Variants in IGHMBP2 observed in about 807,000 individuals in gnomAD.
IGHMBP2 encodes the protein DNA-binding protein SMUBP-2.
A neutral mutation model predicts 96.0 loss-of-function variants in IGHMBP2; 81 were observed. The ratio of observed to expected loss-of-function variants is 0.84; its 90% CI spans 0.71 to 1.01. The LOEUF (loss-of-function observed/expected upper bound fraction) is 1.01. IGHMBP2 is among the 50% of genes least tolerant of loss of function. IGHMBP2 has a pLI of 0.00. For missense variants in IGHMBP2, 1,227 were observed against 1,306.3 expected, an observed-to-expected ratio of 0.94 and a Z score of 0.94; for synonymous variants, 557 against 548.9, an observed-to-expected ratio of 1.01 and a Z score of -0.21.
chr11:68,913,787 A>T (rs1224370241), intron 5 of IGHMBP2, among the ~76,000 whole-genome samples: 1 of 152,084 alleles, frequency 6.6e-6, no homozygotes, highest in African/African-American at 2.4e-5. Flanking sequence ...GGGCATGGTG[A>T]TGCATGCCTG....
At chr11:68,916,090 C>T (rs1594429417) in intron 6 of IGHMBP2, among the ~76,000 whole-genome samples, 1 of 140,066 alleles carries the variant, frequency 7.1e-6, no homozygotes, top group African/African-American at 2.5e-5. Context: ...AGGAGAATCT[C>T]TTGAACCTGG....
In IGHMBP2 at chr11:68,929,212, C is replaced by T; in HGVS notation, c.1090C>T (p.Leu364=). 4 of 1,613,530 alleles carry T rather than the reference C, an allele frequency of 2.5e-6. No individual in the cohort carries two copies. The highest frequency in any genetic ancestry group is 3.4e-6 in the Non-Finnish European group (4 of 1,180,024). The part of the protein sequence containing the change: ...GASADGPLKL[L]PESYFDVVVI... ...GTCTGCCGATGGCCCCCTGAAGTTG[C>T]TGCCCGAGAGCTACTTCGACGTGGT... The change falls in exon 8 of 15, where the codon CTG becomes TTG. Residue 364 remains leucine (L), a synonymous_variant. Transcript: ENST00000255078.
At chr11:68,920,092 A>G (rs1464614695) in intron 7 of IGHMBP2, among the ~76,000 whole-genome samples, 1 of 152,176 alleles carries the variant, frequency 6.6e-6, no homozygotes, top group East Asian at 1.9e-4. Context: ...GGCAGTCACC[A>G]TTCTCCTGTC....
intron 7 of IGHMBP2, 112 bp downstream of exon 7, chr11:68,917,995 G>A: frequency 8.2e-7 from 1 of 1,220,898 alleles, no homozygotes; most frequent in Non-Finnish European, 1.2e-6. Flanking sequence ...TTTCTTAAAA[G>A]TTGGGTAGGG....
chr11:68,936,593 GAA>G lies in IGHMBP2; in HGVS notation c.2114_2115del (p.Glu705GlyfsTer124). The G allele has an allele frequency of 6.2e-7, 1 of 1,612,842 alleles. No homozygotes were observed. The highest frequency in any genetic ancestry group is 8.5e-7 in the Non-Finnish European group (1 of 1,179,366). On this transcript the variant is annotated frameshift_variant, in exon 13 of 15. Coordinates refer to ENST00000255078, the MANE Select transcript of IGHMBP2 (RefSeq NM_002180.3). LOFTEE classifies it high-confidence loss of function. ...GCCGGCTGGGAAGTCTCTGGCCTCTGAAGCTCCATCTCAGCCCAGCCTCAACG... is the reference window on the plus strand; with the variant it reads ...GCCGGCTGGGAAGTCTCTGGCCTCTGGCTCCATCTCAGCCCAGCCTCAACG... ...KKPAGKSLAS[E>X]APSQPSLNGG... is the part of the protein sequence containing the mutation.
chr11:68,904,810 T>C (rs1484642196), intron 1 of IGHMBP2, among the ~76,000 whole-genome samples: 2 of 145,606 alleles, frequency 1.4e-5, no homozygotes, highest in African/African-American at 2.5e-5. Flanking sequence ...TTTCTTTTTT[T>C]TTTTTTTAGA....
chr11:68,912,129 A>G (rs1301595999), intron 5 of IGHMBP2, among the ~76,000 whole-genome samples: 1 of 152,108 alleles, frequency 6.6e-6, no homozygotes, highest in Non-Finnish European at 1.5e-5. Context: ...AATTTTTTTT[A>G]TTTTTATTTT....
At chr11:68,937,140 T>C in intron 13 of IGHMBP2, 49 bp downstream of exon 13, 1 of 1,592,618 alleles carries the variant, frequency 6.3e-7, no homozygotes, top group Non-Finnish European at 8.5e-7. Flanking sequence ...ACTGGGGTGC[T>C]GGCCCCACTT....
rs1346354853 is a variant in IGHMBP2, at chr11:68,934,471, C to A, written c.1545C>A (p.Val515=). Residue 515 remains valine, a synonymous_variant, in exon 11 of 15, where the codon GTC becomes GTA. Coordinates refer to ENST00000255078, the MANE Select transcript of IGHMBP2 (RefSeq NM_002180.3). ...DEQSKGNPGE[V]RLVSLHIQAL... is the part of the protein sequence containing the mutation. ...TTCTTTCTTTCCCTCCAGGCGAAGT[C>A]CGCCTCGTCAGTTTGCACATCCAGG... 1 of 1,608,146 alleles carries A rather than the reference C, an allele frequency of 6.2e-7. No homozygotes were observed. The highest frequency in any genetic ancestry group is 1.3e-5 in the African/African-American group (1 of 74,896).
At chr11:68,937,805 C>A in intron 13 of IGHMBP2, 1 of 264,728 alleles carries the variant, frequency 3.8e-6, no homozygotes, top group Non-Finnish European at 7.4e-6. Context: ...TTGAAAGGGG[C>A]CTCCCAGAGC....
intron 2 of IGHMBP2, among the ~76,000 whole-genome samples, chr11:68,907,806 C>G (rs1858260213): frequency 6.6e-6 from 1 of 151,994 alleles, no homozygotes; most frequent in South Asian, 2.1e-4. Flanking sequence ...ACTGCAGCCT[C>G]AGCCTCCCGA....
chr11:68,938,870 G>T (rs1203752105), intron 14 of IGHMBP2, among the ~76,000 whole-genome samples: 1 of 152,184 alleles, frequency 6.6e-6, no homozygotes. Context: ...ACAGTACCAG[G>T]TGTTGAGTGC....
rs755120725 is a variant in IGHMBP2, at chr11:68,933,462, G to C, written c.1399G>C (p.Val467Leu). Residue 467 changes from valine (V) to leucine (L), a missense_variant, in exon 9 of 15, where the codon GTG (valine) becomes CTG (leucine). This residue lies in a region of IGHMBP2 where 703 missense variants were observed against 770.3 expected (regional missense o/e 0.91). Transcript: ENST00000255078. ...YLGQLTAHSS[V>L]ARHLLRDLPG... ...TGGGCAGCTCACAGCCCACTCTTCC[G>C]TGGCAAGGCACCTCCTGAGGTGAGT... 1.6e-5 allele frequency: 25 copies of C among 1,612,552 alleles called. No homozygotes were observed. In the South Asian group the frequency reaches 2.1e-4, roughly 13 times the overall value.
chr11:68,918,767 A>C (rs545416881), intron 7 of IGHMBP2, among the ~76,000 whole-genome samples: 19 of 152,122 alleles, frequency 1.2e-4, no homozygotes, highest in Middle Eastern at 3.4e-3. Flanking sequence ...CAGCCTCCTA[A>C]AGTGCTAGGA....
In IGHMBP2 at chr11:68,937,040, C is replaced by T. The variant is rs750024353; in HGVS notation, c.2560C>T (p.Gln854Ter). 1 of 1,606,832 alleles carries T rather than the reference C, an allele frequency of 6.2e-7. No individual in the cohort carries two copies. The highest frequency in any genetic ancestry group is 1.7e-5 in the Admixed American group (1 of 60,016). ...AQGQPASKEQ[Q>*]ASGQQKLPEK... ...GGGGCAGCCCGCCAGCAAGGAGCAG[C>T]AGGCCTCAGGGCAGCAGAAACTTCC... The change falls in exon 13 of 15, where the codon CAG becomes TAG. Residue 854 changes from glutamine to a stop codon, truncating the protein, a stop_gained. Transcript: ENST00000255078. LOFTEE classifies it high-confidence loss of function.
At chr11:68,930,402 T>C in intron 8 of IGHMBP2, 1 of 1,289,738 alleles carries the variant, frequency 7.8e-7, no homozygotes. Context: ...TAGAATCTCA[T>C]CACAGGGGCG....
intron 13 of IGHMBP2, among the ~76,000 whole-genome samples, chr11:68,937,509 G>C (rs766490927): frequency 4.6e-5 from 7 of 152,252 alleles, no homozygotes; most frequent in Non-Finnish European, 8.8e-5. Context: ...TGGGCAAAAT[G>C]CTCAGAACCA....
In IGHMBP2 at chr11:68,906,138, A is replaced by G. The variant is rs1858182426; in HGVS notation, c.156A>G (p.Val52=). Reference sequence around the variant, plus strand: ...GCGTGTGTTTGCTGAAGCTGCAGGTATCCAGCCAGCGCACTGGGCTGTACG... The same window carrying G: ...GCGTGTGTTTGCTGAAGCTGCAGGTGTCCAGCCAGCGCACTGGGCTGTACG... ...SRGVCLLKLQ[V]SSQRTGLYGR... is the part of the protein sequence containing the mutation. The change falls in exon 2 of 15, where the codon GTA becomes GTG. Residue 52 remains valine (V), a synonymous_variant. Transcript: ENST00000255078. 1 of 1,614,182 alleles carries G rather than the reference A, an allele frequency of 6.2e-7. No individual in the cohort carries two copies. Among genetic ancestry groups the G allele is most frequent in the Non-Finnish European group, 8.5e-7 (1 of 1,180,008 alleles).
chr11:68,937,900 G>A (rs1289343386), intron 13 of IGHMBP2: 2 of 480,310 alleles, frequency 4.2e-6, no homozygotes, highest in Non-Finnish European at 3.8e-6. Flanking sequence ...CAGGACTGAT[G>A]CCACCCCTGC....
Sources: gnomAD v4.1 joint callset for allele counts (sites outside exome capture counted in the v4.1 genomes callset) on GRCh38, gnomAD v4.1.1 for gene constraint, gnomAD v4.1.1 regional missense constraint, MANE v1.5 for transcripts, NCBI Gene and HGNC (gene_info 2026-07-23, HGNC 2026-07-21) for gene names.